The following TSHR variants were observed in gnomAD, a reference collection of about 807,000 sequenced individuals.
The protein encoded by TSHR is thyrotropin receptor.
TSHR carries 51 observed loss-of-function variants against 64.1 expected under a neutral mutation model. The observed-to-expected ratio is 0.80, with a 90% CI of 0.64 to 1.01. The LOEUF is 1.01. TSHR is among the 50% of genes least tolerant of loss of function. TSHR has a pLI of 0.00. For synonymous variants in TSHR, 361 were observed against 361.9 expected (o/e 1.00, Z 0.03); for missense variants, 877 against 942.8 (o/e 0.93, Z 0.91).
intron 8 of TSHR, among the ~76,000 whole-genome samples, chr14:81,131,671 C>T (rs1298139970): frequency 6.6e-6 from 1 of 152,124 alleles, no homozygotes; most frequent in Non-Finnish European, 1.5e-5. Flanking sequence ...ATCAGCTTGG[C>T]TGTCTCCCTC....
chr14:81,088,743 A>T (rs1039663339), intron 4 of TSHR, among the ~76,000 whole-genome samples: 2 of 152,026 alleles, frequency 1.3e-5, no homozygotes, highest in Non-Finnish European at 2.9e-5. Flanking sequence ...GAAAATTGTT[A>T]AAAAAAACTT....
chr14:81,103,989 T>A lies in TSHR; in HGVS notation c.615-4386T>A. On this transcript the variant is annotated intron_variant, in intron 7 of 9. Coordinates refer to ENST00000298171, the MANE Select transcript of TSHR (RefSeq NM_000369.5). This position sits in a 1 kb window ranked among gnomAD's most constrained non-coding sequence, Gnocchi z 4.1. ...TAATTAGCATCATGCATTAGCTGAT[T>A]CGAAGTAAAACACCACATCTTGGCA... is the stretch of plus-strand genomic sequence containing the variant. 1 of 985,452 alleles carries A rather than the reference T, an allele frequency of 1.0e-6. No individual in the cohort carries two copies. Among genetic ancestry groups the A allele is most frequent in the Non-Finnish European group, 1.2e-6 (1 of 829,932 alleles). 61.0% of individuals were successfully genotyped at this position (985,452 alleles called of 1,614,324 possible). A position where few individuals can be genotyped will look rare whatever the true frequency, so the allele number is the denominator to read the frequency against.
intron 1 of TSHR, among the ~76,000 whole-genome samples, chr14:81,042,789 T>C (rs1415490621): frequency 6.6e-6 from 1 of 152,144 alleles, no homozygotes; most frequent in African/African-American, 2.4e-5. Context: ...GATAGAGTGT[T>C]TTCAATGTTC....
intron 1 of TSHR, among the ~76,000 whole-genome samples, chr14:81,029,947 T>G (rs1224365592): frequency 6.6e-6 from 1 of 152,166 alleles, no homozygotes; most frequent in Non-Finnish European, 1.5e-5. Context: ...TGGACTACAG[T>G]ATGGGATGGA....
chr14:81,018,706 G>C (rs1299435363), intron 1 of TSHR, among the ~76,000 whole-genome samples: 1 of 152,160 alleles, frequency 6.6e-6, no homozygotes, highest in Non-Finnish European at 1.5e-5. Flanking sequence ...TTTGATGGCT[G>C]TGACCTCCTC....
intron 1 of TSHR, chr14:80,982,725 T>C (rs1196269262): frequency 1.9e-5 from 16 of 826,552 alleles, no homozygotes; most frequent in Admixed American, 2.7e-5. Context: ...CTCCTTCATA[T>C]ATTGTTTTGG....
intron 1 of TSHR, chr14:81,053,046 C>G (rs959304810): frequency 6.6e-6 from 1 of 151,962 alleles, no homozygotes; most frequent in Non-Finnish European, 1.5e-5. Context: ...AAACTGAAGA[C>G]CCAGGAGAGC....
intron 8 of TSHR, among the ~76,000 whole-genome samples, chr14:81,120,392 A>C (rs547602682): frequency 6.6e-6 from 1 of 152,048 alleles, no homozygotes; most frequent in Admixed American, 6.5e-5. Context: ...CAGATCTTTC[A>C]CCTCCTTGGT....
In TSHR at chr14:81,116,710, C is replaced by A. The variant is rs1473267106; in HGVS notation, c.692+8258C>A. ...TAGACATCTACAGAACTCTCCACCC[C>A]AAATCAACAGAATATACATTTTTTT... On this transcript the variant is annotated intron_variant, in intron 8 of 9. Transcript: ENST00000298171. Among the ~76,000 whole-genome samples the A allele has an allele frequency of 4.7e-5, 7 of 147,472 alleles. No individual in the cohort carries two copies. The East Asian group carries it at 1.1e-3, about 23-fold the overall frequency.
At chr14:80,993,937 GA>G (rs918661918) in intron 1 of TSHR, 3 of 152,012 alleles carry the variant, frequency 2.0e-5, no homozygotes, top group African/African-American at 7.2e-5. Context: ...CTTATATGAG[GA>G]TTTTTTTTCA....
chr14:81,038,629 A>T (rs12323422), intron 1 of TSHR, among the ~76,000 whole-genome samples: 35,901 of 150,570 alleles, frequency 0.24, 4,353 homozygotes, highest in South Asian at 0.32. Context: ...GATAAATAAA[A>T]TCAGAGATTA....
intron 8 of TSHR, among the ~76,000 whole-genome samples, chr14:81,114,772 A>G (rs1300105152): frequency 1.3e-5 from 2 of 152,328 alleles, no homozygotes; most frequent in East Asian, 1.9e-4. Context: ...GCAGACTTAA[A>G]TGTCCCTGTC....
chr14:81,012,425 G>A (rs1445737481), intron 1 of TSHR: 1 of 151,824 alleles, frequency 6.6e-6, no homozygotes, highest in East Asian at 1.9e-4. Flanking sequence ...CTTTATAGCA[G>A]CGTGATTTAT....
At position 81,063,934 on chromosome 14, in the gene TSHR, A is replaced by T. The variant is rs138007245; in HGVS notation, c.242+1715A>T. Among the ~76,000 whole-genome samples, 624 of 152,250 alleles carry T rather than the reference A, an allele frequency of 4.1e-3. 4 individuals carry two copies. The highest frequency in any genetic ancestry group is 0.013 in the African/African-American group (560 of 41,556). ...AGAAGGGAAAAGCCTGGGCTTTCTG[A>T]AGAATTGAAATATAATAAGTTTCTT... On this transcript the variant is annotated intron_variant, in intron 2 of 9. Coordinates refer to ENST00000298171, the MANE Select transcript of TSHR (RefSeq NM_000369.5).
intron 1 of TSHR, chr14:80,992,412 A>AT (rs1245855691): frequency 6.6e-6 from 1 of 151,556 alleles, no homozygotes; most frequent in African/African-American, 2.4e-5. Context: ...AAAAAAAAAA[A>AT]AAAAATAAGC....
At position 81,092,495 on chromosome 14, in the gene TSHR, T is replaced by C. The variant is rs1888822245; in HGVS notation, c.468-36T>C. ...GACCCCTGCTGCAGAAGGAAAGCAT[T>C]TTTTCATTAAGTGTTTTTGTCCCTC... On this transcript the variant is annotated intron_variant, in intron 5 of 9. Coordinates refer to ENST00000298171, the MANE Select transcript of TSHR (RefSeq NM_000369.5). The C allele has an allele frequency of 2.5e-6, 4 of 1,602,512 alleles. No individual in the cohort carries two copies. In the South Asian group the frequency reaches 4.4e-5, roughly 18 times the overall value.
intron 1 of TSHR, chr14:80,982,070 G>A (rs1358947104): frequency 8.1e-6 from 4 of 492,286 alleles, no homozygotes; most frequent in South Asian, 2.5e-5. Flanking sequence ...GAGAAGAGAG[G>A]GAGGCTACGG....
At chr14:81,019,301 T>A (rs907590374) in intron 1 of TSHR, among the ~76,000 whole-genome samples, 4 of 150,646 alleles carry the variant, frequency 2.7e-5, no homozygotes, top group African/African-American at 9.9e-5. Flanking sequence ...GTCACTGCAC[T>A]TCAGCCTGGG....
intron 8 of TSHR, among the ~76,000 whole-genome samples, chr14:81,135,839 T>C (rs2140095921): frequency 6.6e-6 from 1 of 152,310 alleles, no homozygotes; most frequent in South Asian, 2.1e-4. Flanking sequence ...AACCAGACTG[T>C]CTGATTAAAA....
Sources: gnomAD v4.1 joint callset for allele counts (sites outside exome capture counted in the v4.1 genomes callset) on GRCh38, gnomAD v4.1.1 for gene constraint, Gnocchi (gnomAD v3.1) non-coding constraint, MANE v1.5 for transcripts, NCBI Gene and HGNC (gene_info 2026-07-23, HGNC 2026-07-21) for gene names.